The following SLC16A12 variants were observed in gnomAD, a reference collection of about 807,000 sequenced individuals.
SLC16A12 encodes the protein solute carrier family 16 member 12.
Under a neutral mutation model 42.4 loss-of-function variants are expected in SLC16A12, and 17 were observed. The ratio of observed to expected loss-of-function variants is 0.40; its 90% CI spans 0.27 to 0.60. SLC16A12 has a LOEUF of 0.60. Among genes scored for constraint, SLC16A12 ranks in the 20% least tolerant of loss-of-function variants. The pLI, the probability that SLC16A12 is intolerant of heterozygous loss-of-function variation, is 0.42. For synonymous variants in SLC16A12, 224 were observed against 229.4 expected (o/e 0.98, Z 0.21); for missense variants, 544 against 623.0 (o/e 0.87, Z 1.35).
At chr10:89,548,807 C>T (rs1171403739) in intron 2 of SLC16A12, among the ~76,000 whole-genome samples, 1 of 152,086 alleles carries the variant, frequency 6.6e-6, no homozygotes, top group African/African-American at 2.4e-5. Context: ...CAGAGCGAGA[C>T]TCTGTCTCAA....
intron 2 of SLC16A12, among the ~76,000 whole-genome samples, chr10:89,469,242 C>T (rs1842456048): frequency 6.6e-6 from 1 of 152,188 alleles, no homozygotes. Flanking sequence ...CCCATTCTAG[C>T]TTCGGAAAAA....
intron 3 of SLC16A12, among the ~76,000 whole-genome samples, chr10:89,461,764 AC>A (rs1339298031): frequency 2.6e-5 from 4 of 152,268 alleles, no homozygotes; most frequent in Non-Finnish European, 4.4e-5. Flanking sequence ...AAATGATCTT[AC>A]CCTCCCCTGG....
chr10:89,485,247 A>C (rs1325740968), intron 2 of SLC16A12, among the ~76,000 whole-genome samples: 1 of 152,244 alleles, frequency 6.6e-6, no homozygotes, highest in Non-Finnish European at 1.5e-5. Flanking sequence ...GATGCTGCTG[A>C]ACATTCCACA....
intron 2 of SLC16A12, among the ~76,000 whole-genome samples, chr10:89,467,224 A>G (rs993447658): frequency 6.6e-6 from 1 of 152,228 alleles, no homozygotes; most frequent in African/African-American, 2.4e-5. Flanking sequence ...CATAAGGACC[A>G]TCCTTATTAG....
chr10:89,430,912 T>A lies in SLC16A12; in HGVS notation c.*2152A>T, dbSNP rs1841684123. On this transcript the variant is annotated 3_prime_UTR_variant, in exon 8 of 8. Coordinates refer to ENST00000371790, the MANE Select transcript of SLC16A12 (RefSeq NM_213606.4). The stretch of plus-strand genomic sequence containing the variant: ...TTCATATTTTTAAACATCTTTAGGC[T>A]TGAAAATTCAAGAAATGATATTTAG... The A allele has an allele frequency of 2.9e-6, 1 of 339,188 alleles. No homozygotes were observed. Among genetic ancestry groups the A allele is most frequent in the Admixed American group, 4.3e-5 (1 of 23,052 alleles). 21.0% of individuals were successfully genotyped at this position (339,188 alleles called of 1,614,324 possible).
chr10:89,498,724 C>T (rs1009426662), intron 2 of SLC16A12, among the ~76,000 whole-genome samples: 2 of 152,140 alleles, frequency 1.3e-5, no homozygotes, highest in African/African-American at 2.4e-5. Flanking sequence ...AGGTGGATTG[C>T]TCCTGCAGGA....
intron 2 of SLC16A12, among the ~76,000 whole-genome samples, chr10:89,551,411 C>A (rs59089460): frequency 0.097 from 14,683 of 152,094 alleles, 754 homozygotes; most frequent in Non-Finnish European, 0.11. Flanking sequence ...CTACTGCACT[C>A]CAGCCTGGGC....
chr10:89,508,386 C>T (rs796632274), intron 2 of SLC16A12, among the ~76,000 whole-genome samples: 37 of 152,286 alleles, frequency 2.4e-4, no homozygotes, highest in African/African-American at 8.2e-4. Flanking sequence ...TTTCTCAGAC[C>T]ACAGTGCAAT....
chr10:89,448,088 A>T (rs303167), intron 3 of SLC16A12, among the ~76,000 whole-genome samples: 23,938 of 152,228 alleles, frequency 0.16, 2,385 homozygotes, highest in Non-Finnish European at 0.22. Context: ...ATAGACCAAT[A>T]ACAGGCTCTG....
In SLC16A12 at chr10:89,434,549, T is replaced by C. The variant is rs1389963392; in HGVS notation, c.1289-1223A>G. Reference sequence around the variant, plus strand: ...AACAGGGTTTTGTCATCTGCACCACTCAAGCGGCCACAATTTCCCCTAGTT... The same window carrying C: ...AACAGGGTTTTGTCATCTGCACCACCCAAGCGGCCACAATTTCCCCTAGTT... On this transcript the variant is annotated intron_variant, in intron 7 of 7. Transcript: ENST00000371790. Among the ~76,000 whole-genome samples the C allele has an allele frequency of 3.3e-5, 5 of 152,198 alleles. No individual in the cohort carries two copies. The East Asian group carries it at 9.6e-4, about 29-fold the overall frequency.
intron 2 of SLC16A12, among the ~76,000 whole-genome samples, chr10:89,472,270 G>C (rs1203946036): frequency 7.0e-6 from 1 of 143,772 alleles, no homozygotes; most frequent in Non-Finnish European, 1.5e-5. Context: ...AACACAACAT[G>C]TGCATTATTT....
intron 2 of SLC16A12, among the ~76,000 whole-genome samples, chr10:89,516,947 G>A (rs1002838147): frequency 6.6e-6 from 1 of 152,244 alleles, no homozygotes; most frequent in Non-Finnish European, 1.5e-5. Flanking sequence ...ATAGTACCAG[G>A]CATGATGGCT....
chr10:89,446,284 C>T (rs953193292), intron 3 of SLC16A12, among the ~76,000 whole-genome samples: 1 of 152,064 alleles, frequency 6.6e-6, no homozygotes, highest in Non-Finnish European at 1.5e-5. Flanking sequence ...TTGAGAAGAG[C>T]AACCCCAAGA....
intron 3 of SLC16A12, among the ~76,000 whole-genome samples, chr10:89,458,908 G>C (rs1252280984): frequency 2.0e-5 from 3 of 152,136 alleles, no homozygotes; most frequent in East Asian, 3.8e-4. Flanking sequence ...GTTAACTTTT[G>C]ATCTTACTGG....
At position 89,439,107 on chromosome 10, in the gene SLC16A12, A is replaced by G. The variant is rs1441445212; in HGVS notation, c.525T>C (p.Ala175=). ...CACTTCCTGACATGGCGATACCATA[A>G]GCAAGGGCTTTCCGTCTGCTGAAGT... ...GKYFSRRKAL[A]YGIAMSGSGI... is the part of the protein sequence containing the mutation. The change falls in exon 6 of 8, where the codon GCT becomes GCC. Residue 175 remains alanine, a synonymous_variant. Transcript: ENST00000371790. The G allele has an allele frequency of 6.2e-7, 1 of 1,613,868 alleles. No individual in the cohort carries two copies.
At chr10:89,529,709 A>G (rs1564601045) in intron 2 of SLC16A12, among the ~76,000 whole-genome samples, 1 of 151,908 alleles carries the variant, frequency 6.6e-6, no homozygotes, top group Non-Finnish European at 1.5e-5. Context: ...CACCACGCCC[A>G]GCTAATTTTT....
At chr10:89,492,567 C>T (rs1452214181) in intron 2 of SLC16A12, among the ~76,000 whole-genome samples, 6 of 152,048 alleles carry the variant, frequency 3.9e-5, no homozygotes, top group Admixed American at 2.0e-4. Flanking sequence ...GGAGAAACCC[C>T]GTCTCTACTT....
intron 2 of SLC16A12, among the ~76,000 whole-genome samples, chr10:89,478,676 A>G (rs142038868): frequency 1.2e-4 from 19 of 152,312 alleles, no homozygotes; most frequent in African/African-American, 4.3e-4. Flanking sequence ...CTTTATTTAA[A>G]TGGACAACTA....
At chr10:89,487,991 T>C (rs1275490960) in intron 2 of SLC16A12, among the ~76,000 whole-genome samples, 1 of 115,648 alleles carries the variant, frequency 8.6e-6, no homozygotes, top group Admixed American at 8.8e-5. Flanking sequence ...TATATATATA[T>C]ATATACACAC....
Sources: gnomAD v4.1 joint callset for allele counts (sites outside exome capture counted in the v4.1 genomes callset) on GRCh38, gnomAD v4.1.1 for gene constraint, MANE v1.5 for transcripts, NCBI Gene and HGNC (gene_info 2026-07-23, HGNC 2026-07-21) for gene names.